The following KARS1 variants were observed in gnomAD, a reference collection of about 807,000 sequenced individuals.
The protein encoded by KARS1 is lysyl-tRNA synthetase 1.
KARS1 carries 50 observed loss-of-function variants against 63.9 expected under a neutral mutation model. The observed-to-expected ratio is 0.78, with a 90% CI of 0.62 to 0.99. The LOEUF (loss-of-function observed/expected upper bound fraction) is 0.99. Ranked by LOEUF, KARS1 falls within the 50% of genes least tolerant of loss-of-function variation. The pLI is 0.00. For synonymous variants in KARS1, 320 were observed against 264.6 expected (o/e 1.21, Z -2.03); for missense variants, 816 against 754.5 (o/e 1.08, Z -0.95).
At chr16:75,635,655 A>G in intron 6 of KARS1, 25 bp downstream of exon 6, 1 of 1,613,056 alleles carries the variant, frequency 6.2e-7, no homozygotes, top group Non-Finnish European at 8.5e-7. Context: ...GCAGCTCATC[A>G]CGTCAGGCAA....
At chr16:75,630,305 C>G in intron 11 of KARS1, 118 bp downstream of exon 11, 2 of 707,412 alleles carry the variant, frequency 2.8e-6, no homozygotes, top group Non-Finnish European at 5.0e-6. Context: ...CTTGGGTTAC[C>G]CTGGTCAACA....
chr16:75,638,769 G>A (rs937918198), intron 3 of KARS1, among the ~76,000 whole-genome samples: 30 of 152,108 alleles, frequency 2.0e-4, no homozygotes, highest in Non-Finnish European at 1.5e-5. Flanking sequence ...AAAAGGATTT[G>A]AGATAAAGTG....
At chr16:75,631,667 T>C (rs764394546) in intron 8 of KARS1, 26 bp downstream of exon 8, 2 of 1,613,930 alleles carry the variant, frequency 1.2e-6, no homozygotes, top group South Asian at 1.1e-5. Flanking sequence ...AACCACCCGA[T>C]GAGTATGAGA....
chr16:75,644,361 C>A lies in KARS1; in HGVS notation c.63-2638G>T, dbSNP rs748212860. 4.3e-6 allele frequency: 7 copies of A among 1,612,104 alleles called. No individual in the cohort carries two copies. The South Asian group carries it at 7.7e-5, about 18-fold the overall frequency. ...TTGACCCAGTCGCAGTTCCCTGTGA[C>A]CCCACTCTGCCCAGGAGGTTTTGCG... On this transcript the variant is annotated intron_variant, in intron 1 of 13. Coordinates refer to ENST00000302445, the MANE Select transcript of KARS1 (RefSeq NM_005548.3).
chr16:75,634,315 T>C (rs1567500455), intron 6 of KARS1, 23 bp from the exon 7 acceptor site: 1 of 1,613,230 alleles, frequency 6.2e-7, no homozygotes, highest in Admixed American at 1.7e-5. Flanking sequence ...GGGAGAAACA[T>C]CAGTCCTTAG....
At chr16:75,639,507 G>C (rs1030051828) in intron 3 of KARS1, among the ~76,000 whole-genome samples, 3 of 149,536 alleles carry the variant, frequency 2.0e-5, no homozygotes, top group Non-Finnish European at 4.4e-5. Flanking sequence ...GGGGGGCAGA[G>C]GTTGCAGTAA....
At chr16:75,634,358 T>C in intron 6 of KARS1, 66 bp from the exon 7 acceptor site, 2 of 1,545,430 alleles carry the variant, frequency 1.3e-6, no homozygotes, top group East Asian at 4.5e-5. Context: ...GACCATGCTT[T>C]GCATGTAATA....
At chr16:75,633,478 G>A (rs868724606) in intron 7 of KARS1, among the ~76,000 whole-genome samples, 12 of 150,762 alleles carry the variant, frequency 8.0e-5, no homozygotes, top group Admixed American at 1.3e-4. Context: ...ATTTACCTGG[G>A]AATTTGACAA....
chr16:75,633,515 C>CTTTT (rs770761249), intron 7 of KARS1, among the ~76,000 whole-genome samples: 10 of 127,514 alleles, frequency 7.8e-5, no homozygotes, highest in East Asian at 2.7e-4. Flanking sequence ...TTTGAAGATA[C>CTTTT]TTTTTTTTTT....
rs1187109040 is a variant in KARS1 at position 75,628,441 on chromosome 16, C to T, written c.1695+128G>A. On this transcript the variant is annotated intron_variant, in intron 13 of 13. Coordinates refer to ENST00000302445, the MANE Select transcript of KARS1 (RefSeq NM_005548.3). ...TGGCCCTCCTGTGAGTGGCATGGAA[C>T]TCCTCTGCCTGCTCCTCTTCCCAGC... 10 of 1,093,816 alleles carry T rather than the reference C, an allele frequency of 9.1e-6. No individual in the cohort carries two copies. In the African/African-American group the frequency reaches 1.2e-4, roughly 14 times the overall value. 67.8% of individuals were successfully genotyped at this position (1,093,816 alleles called of 1,614,324 possible).
chr16:75,645,361 G>C (rs1184608833), intron 1 of KARS1, among the ~76,000 whole-genome samples: 1 of 152,170 alleles, frequency 6.6e-6, no homozygotes, highest in Non-Finnish European at 1.5e-5. Flanking sequence ...ATCACTGCTA[G>C]ACTATATTTT....
At chr16:75,630,562 G>A (rs1247440401) in intron 10 of KARS1, 54 bp from the exon 11 acceptor site, 7 of 1,132,344 alleles carry the variant, frequency 6.2e-6, no homozygotes, top group Admixed American at 1.7e-5. Context: ...GTATTTGATC[G>A]TCCCAGCCCA....
chr16:75,635,546 G>T, intron 6 of KARS1, 134 bp downstream of exon 6: 1 of 1,018,722 alleles, frequency 9.8e-7, no homozygotes, highest in Non-Finnish European at 1.5e-6. Context: ...AGAGACGATG[G>T]CAAGAAAAGG....
intron 2 of KARS1, among the ~76,000 whole-genome samples, chr16:75,641,348 T>G (rs946370574): frequency 6.6e-6 from 1 of 152,118 alleles, no homozygotes; most frequent in Non-Finnish European, 1.5e-5. Flanking sequence ...GTTAATTCAC[T>G]TGAATGCTGG....
intron 1 of KARS1, among the ~76,000 whole-genome samples, chr16:75,643,970 A>T (rs2082253051): frequency 2.6e-5 from 4 of 152,246 alleles, no homozygotes; most frequent in Admixed American, 2.6e-4. Flanking sequence ...AAACCAAATT[A>T]ATCTCAAGAG....
chr16:75,641,763 G>A, intron 1 of KARS1, 40 bp from the exon 2 acceptor site: 1 of 1,607,146 alleles, frequency 6.2e-7, no homozygotes, highest in African/African-American at 1.3e-5. Flanking sequence ...TTAGCTGCCT[G>A]AAGAGTCCTC....
intron 12 of KARS1, among the ~76,000 whole-genome samples, 190 bp downstream of exon 12, chr16:75,629,225 T>C (rs892244440): frequency 1.3e-5 from 2 of 152,214 alleles, no homozygotes; most frequent in African/African-American, 4.8e-5. Flanking sequence ...AATAATGAAG[T>C]TCCTCTTATG....
At position 75,629,480 on chromosome 16, in the gene KARS1, A is replaced by C. The variant is rs776736207; in HGVS notation, c.1486T>G (p.Cys496Gly). The change falls in exon 12 of 14, where the codon TGC becomes GGC. Residue 496 changes from cysteine to glycine, a missense_variant. Cys to Gly is a radical substitution (Grantham distance 159). Transcript: ENST00000302445. ...TCATTCAGCTCAGTATACGCATTGCATATCTCTTTCTTCATGACAAACAGC... is the reference window on the plus strand; with the variant it reads ...TCATTCAGCTCAGTATACGCATTGCCTATCTCTTTCTTCATGACAAACAGC... ...FELFVMKKEI[C>G]NAYTELNDPM... 1.9e-5 allele frequency: 30 copies of C among 1,614,094 alleles called. No homozygotes were observed. Among genetic ancestry groups the C allele is most frequent in the Non-Finnish European group, 2.5e-5 (30 of 1,180,012 alleles).
Position 75,631,756 on chromosome 16 carries a change from C to T in KARS1, c.1015G>A (p.Glu339Lys), listed in dbSNP as rs1555512883. 1.9e-6 allele frequency: 3 copies of T among 1,614,224 alleles called. No individual in the cohort carries two copies. The highest frequency in any genetic ancestry group is 1.7e-6 in the Non-Finnish European group (2 of 1,180,032). ...LTHNPEFTTCEFYMAYADYHD... is the reference protein window; with the variant it reads ...LTHNPEFTTCKFYMAYADYHD... ...TAGTCTGCATAGGCCATGTAGAACT[C>T]ACAGGTGGTGAACTCAGGATTGTGC... Residue 339 changes from glutamate to lysine, a missense_variant, in exon 8 of 14, where the codon GAG becomes AAG. By Grantham distance (56) the Glu-to-Lys change is moderately conservative. Coordinates refer to ENST00000302445, the MANE Select transcript of KARS1 (RefSeq NM_005548.3).
Sources: allele counts gnomAD v4.1 joint callset (sites outside exome capture counted in the v4.1 genomes callset), GRCh38; gene constraint gnomAD v4.1.1; transcripts MANE v1.5; gene names NCBI Gene and HGNC (gene_info 2026-07-23, HGNC 2026-07-21).